The following SULF1 variants were observed in gnomAD, a reference collection of about 807,000 sequenced individuals.
SULF1 encodes sulfatase 1, also known as extracellular sulfatase Sulf-1.
A neutral mutation model predicts 110.5 loss-of-function variants in SULF1; 46 were observed. That is an observed-to-expected ratio of 0.42 (90% CI 0.33 to 0.53). The LOEUF is 0.53. Among genes scored for constraint, SULF1 ranks in the 20% least tolerant of loss-of-function variants. The pLI is 0.12. For synonymous variants in SULF1, 371 were observed against 387.1 expected (o/e 0.96, Z 0.49); for missense variants, 941 against 1,094.2 (o/e 0.86, Z 1.98).
chr8:69,509,115 G>A (rs1563480721), intron 3 of SULF1, among the ~76,000 whole-genome samples: 1 of 152,200 alleles, frequency 6.6e-6, no homozygotes, highest in African/African-American at 2.4e-5. Context: ...TGTAGGGGGA[G>A]TAGACATATG....
At chr8:69,603,925 C>T (rs1015814927) in intron 12 of SULF1, among the ~76,000 whole-genome samples, 5 of 152,110 alleles carry the variant, frequency 3.3e-5, no homozygotes, top group Admixed American at 2.0e-4. Flanking sequence ...ATAGTTGGGA[C>T]ATTATCGTTA....
intron 19 of SULF1, among the ~76,000 whole-genome samples, chr8:69,630,065 A>C (rs1810397173): frequency 6.6e-6 from 1 of 152,182 alleles, no homozygotes; most frequent in African/African-American, 2.4e-5. Flanking sequence ...TCAAGTACAT[A>C]AGTGTAATAA....
In SULF1 at chr8:69,641,153, G is replaced by A. The variant is rs117986281; in HGVS notation, c.2585+312G>A. ...AAACAGAATGGCCTTTGGGAGCCCC[G>A]GGAAAGGGTGGGAGATTTATTTTCT... is the stretch of plus-strand genomic sequence containing the variant. On this transcript the variant is annotated intron_variant, in intron 22 of 22. Coordinates refer to ENST00000402687, the MANE Select transcript of SULF1 (RefSeq NM_001128205.2). 2.8e-3 allele frequency: 742 copies of A among 263,230 alleles called. 13 individuals carry two copies. The East Asian group carries it at 0.039, about 14-fold the overall frequency. 16.3% of individuals were successfully genotyped at this position (263,230 alleles called of 1,614,324 possible).
intron 3 of SULF1, among the ~76,000 whole-genome samples, chr8:69,521,460 G>A (rs1812290598): frequency 6.6e-6 from 1 of 152,136 alleles, no homozygotes; most frequent in Non-Finnish European, 1.5e-5. Flanking sequence ...GACTCATTGA[G>A]GTGGTAAGAT....
chr8:69,566,136 A>G (rs1815867403), intron 5 of SULF1, among the ~76,000 whole-genome samples: 1 of 151,948 alleles, frequency 6.6e-6, no homozygotes, highest in South Asian at 2.1e-4. Context: ...ACCAAGATCA[A>G]CCAGAGAGCA....
chr8:69,628,284 C>T (rs1162228514), intron 18 of SULF1, 48 bp downstream of exon 18: 10 of 1,528,284 alleles, frequency 6.5e-6, no homozygotes, highest in Non-Finnish European at 9.1e-6. Context: ...AATGACTGTC[C>T]ACCTGGCCCT....
At chr8:69,619,841 G>A (rs965532028) in intron 13 of SULF1, among the ~76,000 whole-genome samples, 1 of 152,306 alleles carries the variant, frequency 6.6e-6, no homozygotes, top group East Asian at 1.9e-4. Flanking sequence ...CCAGCCCTGC[G>A]GTAGTATCTA....
chr8:69,657,862 C>T (rs564947368), intron 22 of SULF1, among the ~76,000 whole-genome samples: 1 of 152,246 alleles, frequency 6.6e-6, no homozygotes, highest in African/African-American at 2.4e-5. Context: ...AAAGCTGGTG[C>T]CTTCTTTGCA....
chr8:69,497,373 A>G (rs1000260950), intron 2 of SULF1, among the ~76,000 whole-genome samples: 20 of 151,742 alleles, frequency 1.3e-4, no homozygotes, highest in African/African-American at 4.4e-4. Flanking sequence ...GGTCAGGCTG[A>G]TCTCAAACTC....
intron 13 of SULF1, among the ~76,000 whole-genome samples, chr8:69,618,333 C>T (rs1449476683): frequency 3.3e-5 from 5 of 152,164 alleles, no homozygotes; most frequent in South Asian, 2.1e-4. Flanking sequence ...AAGATGATTT[C>T]GTCTGTATTG....
rs1234219298 is a variant in SULF1, at chr8:69,550,087, A to G, written c.-133-13452A>G. Among the ~76,000 whole-genome samples, 4 of 151,604 alleles carry G rather than the reference A, an allele frequency of 2.6e-5. No homozygotes were observed. In the East Asian group the frequency reaches 7.7e-4, roughly 29 times the overall value. On this transcript the variant is annotated intron_variant, in intron 3 of 22. Transcript: ENST00000402687. ...TTTTTGCCCCCCAAAATTTCTCCCC[A>G]TTAATTTTTCCAGTTTGAAATTCTC... is the stretch of plus-strand genomic sequence containing the variant.
In SULF1 at chr8:69,575,956, A is replaced by C; in HGVS notation, c.173-14A>C. ...CTGCACTTTGCTAAACAATGCTGGC[A>C]CTGTGCCTTTCAGGGTCCCTGCAAG... On this transcript the variant is annotated splice_polypyrimidine_tract_variant and intron_variant, in intron 5 of 22. Coordinates refer to ENST00000402687, the MANE Select transcript of SULF1 (RefSeq NM_001128205.2). The C allele has an allele frequency of 6.2e-7, 1 of 1,613,048 alleles. No homozygotes were observed. The highest frequency in any genetic ancestry group is 1.1e-5 in the South Asian group (1 of 90,822).
At chr8:69,470,088 A>G (rs1455635648) in intron 1 of SULF1, among the ~76,000 whole-genome samples, 1 of 152,158 alleles carries the variant, frequency 6.6e-6, no homozygotes, top group Non-Finnish European at 1.5e-5. Context: ...ACTGAGCTAT[A>G]TATAGTATTG....
upstream of SULF1, among the ~76,000 whole-genome samples, chr8:69,487,920 G>A (rs1471507681): frequency 6.6e-6 from 1 of 152,142 alleles, no homozygotes; most frequent in African/African-American, 2.4e-5. Context: ...CCTTCAGAGT[G>A]ATCTATGTCC....
At chr8:69,487,301 C>T (rs1586205644) in intron 1 of SULF1, among the ~76,000 whole-genome samples, 2 of 152,174 alleles carry the variant, frequency 1.3e-5, no homozygotes, top group Admixed American at 6.5e-5. Flanking sequence ...ACACAAATTC[C>T]TTCCCCTTGA....
chr8:69,467,060 A>G (rs1808887952), intron 1 of SULF1: 1 of 152,196 alleles, frequency 6.6e-6, no homozygotes, highest in Non-Finnish European at 1.5e-5. Context: ...TGTCCTATCA[A>G]TGCTGCTATT....
At chr8:69,496,386 T>G (rs1810357705) in intron 2 of SULF1, among the ~76,000 whole-genome samples, 1 of 152,240 alleles carries the variant, frequency 6.6e-6, no homozygotes, top group African/African-American at 2.4e-5. Flanking sequence ...TTCTGATGGC[T>G]CACTTAATTC....
chr8:69,526,849 G>GGAAGGAAGGAAA (rs1563498525), intron 3 of SULF1, among the ~76,000 whole-genome samples: 14 of 148,442 alleles, frequency 9.4e-5, no homozygotes. Flanking sequence ...AAGGGAGGAA[G>GGAAGGAAGGAAA]GAAGGAAGGA....
chr8:69,511,641 C>T (rs914278966), intron 3 of SULF1, among the ~76,000 whole-genome samples: 5 of 152,242 alleles, frequency 3.3e-5, no homozygotes, highest in Admixed American at 1.3e-4. Flanking sequence ...CACACATGCA[C>T]AGCCCCTCCA....
Sources: allele counts gnomAD v4.1 joint callset (sites outside exome capture counted in the v4.1 genomes callset), GRCh38; gene constraint gnomAD v4.1.1; transcripts MANE v1.5; gene names NCBI Gene and HGNC (gene_info 2026-07-23, HGNC 2026-07-21).